The following VPS54 variants were observed in gnomAD, a reference collection of about 807,000 sequenced individuals.
VPS54 encodes vacuolar protein sorting-associated protein 54.
A neutral mutation model predicts 121.5 loss-of-function variants in VPS54; 45 were observed. That is an observed-to-expected ratio of 0.37 (90% confidence interval 0.29 to 0.47). The LOEUF is 0.47. VPS54 is among the 20% of genes least tolerant of loss of function. The probability of loss-of-function intolerance (pLI) is 0.99; values close to 1 mark genes in which losing one functional copy is unlikely to be tolerated. For missense variants in VPS54, 1,090 were observed against 1,131.4 expected (o/e 0.96, Z 0.52); for synonymous variants, 371 against 385.8 (o/e 0.96, Z 0.45).
chr2:63,962,234 A>G lies in VPS54; in HGVS notation c.834T>C (p.Leu278=). 6.2e-7 allele frequency: 1 copy of G among 1,614,060 alleles called. No individual in the cohort carries two copies. Among genetic ancestry groups the G allele is most frequent in the Non-Finnish European group, 8.5e-7 (1 of 1,179,922 alleles). ...ATACTTTAACACAATTATTTCTGGT[A>G]AGTGCCAGTCTTAAAATGTGGAGTG... ...EGSLHILRLA[L]TRNNCVKVYN... is the part of the protein sequence containing the mutation. Residue 278 remains leucine (L), a synonymous_variant, in exon 7 of 23, where the codon CTT becomes CTC. Coordinates refer to ENST00000272322, the MANE Select transcript of VPS54 (RefSeq NM_016516.3).
intron 1 of VPS54, among the ~76,000 whole-genome samples, chr2:63,990,970 A>T (rs527304193): frequency 6.6e-6 from 1 of 152,034 alleles, no homozygotes; most frequent in East Asian, 1.9e-4. Flanking sequence ...AGCTTTTCTA[A>T]CCCCATTAAA....
At chr2:63,903,969 A>T (rs1008913987) in intron 20 of VPS54, among the ~76,000 whole-genome samples, 1 of 152,192 alleles carries the variant, frequency 6.6e-6, no homozygotes, top group Non-Finnish European at 1.5e-5. Context: ...AAGGGAAAAA[A>T]GCAAGATCCA....
At chr2:63,958,711 A>G (rs542551128) in intron 7 of VPS54, among the ~76,000 whole-genome samples, 1 of 152,226 alleles carries the variant, frequency 6.6e-6, no homozygotes, top group African/African-American at 2.4e-5. Context: ...GCAAGACTGC[A>G]TATATATATT....
At chr2:63,965,582 A>C (rs1242322494) in intron 6 of VPS54, among the ~76,000 whole-genome samples, 1 of 152,248 alleles carries the variant, frequency 6.6e-6, no homozygotes, top group Non-Finnish European at 1.5e-5. Context: ...TTTCAATTAA[A>C]ATTCCATCAA....
chr2:63,980,857 C>A (rs945068551), intron 3 of VPS54, among the ~76,000 whole-genome samples: 1 of 151,786 alleles, frequency 6.6e-6, no homozygotes. Context: ...ATGATCAGAT[C>A]TAAGTGATTG....
At chr2:63,909,066 T>G (rs1226078934) in intron 20 of VPS54, among the ~76,000 whole-genome samples, 1 of 152,214 alleles carries the variant, frequency 6.6e-6, no homozygotes, top group African/African-American at 2.4e-5. Flanking sequence ...GCATGCCTCA[T>G]TCATAAAACT....
chr2:63,913,581 A>G lies in VPS54; in HGVS notation c.2335-271T>C, dbSNP rs188235857. Among the ~76,000 whole-genome samples the G allele has an allele frequency of 1.4e-3, 206 of 152,340 alleles. No individual in the cohort carries two copies. In the Middle Eastern group the frequency reaches 0.014, roughly 10 times the overall value. Reference sequence around the variant, plus strand: ...TCTTTAATTTGCATGTACAAAACAAATTCGGTTTCAGTCATTCTTGTTGGG... The same window carrying G: ...TCTTTAATTTGCATGTACAAAACAAGTTCGGTTTCAGTCATTCTTGTTGGG... On this transcript the variant is annotated intron_variant, in intron 17 of 22. Transcript: ENST00000272322.
At chr2:63,961,864 G>A (rs530188884) in intron 7 of VPS54, among the ~76,000 whole-genome samples, 194 bp downstream of exon 7, 1 of 152,154 alleles carries the variant, frequency 6.6e-6, no homozygotes, top group South Asian at 2.1e-4. Context: ...AAATGTCTCT[G>A]AAAATATTAT....
intron 15 of VPS54, among the ~76,000 whole-genome samples, chr2:63,918,094 C>A (rs1016960898): frequency 6.6e-6 from 1 of 151,876 alleles, no homozygotes; most frequent in Admixed American, 6.6e-5. Context: ...ATCCAGGATC[C>A]TTAACTTGAA....
At chr2:63,986,846 C>T in intron 1 of VPS54, among the ~76,000 whole-genome samples, 1 of 152,130 alleles carries the variant, frequency 6.6e-6, no homozygotes, top group East Asian at 1.9e-4. Flanking sequence ...ATAAATACAC[C>T]CATGTGCCAT....
chr2:63,991,455 T>C (rs1267072259), intron 1 of VPS54, among the ~76,000 whole-genome samples: 4 of 152,198 alleles, frequency 2.6e-5, no homozygotes, highest in Admixed American at 2.0e-4. Flanking sequence ...CACAAAGCTA[T>C]TCTGTGGGCA....
At chr2:64,009,409 G>A (rs1159188341) in intron 1 of VPS54, among the ~76,000 whole-genome samples, 1 of 151,840 alleles carries the variant, frequency 6.6e-6, no homozygotes, top group South Asian at 2.1e-4. Context: ...TCCGCCTCCC[G>A]GGTTCAAGCG....
At chr2:63,992,354 T>C (rs183996702) in intron 1 of VPS54, among the ~76,000 whole-genome samples, 317 of 152,304 alleles carry the variant, frequency 2.1e-3, no homozygotes, top group Non-Finnish European at 2.6e-3. Flanking sequence ...CTAACTCTTA[T>C]AGTACTCCCA....
At chr2:63,985,999 A>T (rs1237246776) in intron 1 of VPS54, among the ~76,000 whole-genome samples, 1 of 152,236 alleles carries the variant, frequency 6.6e-6, no homozygotes, top group East Asian at 1.9e-4. Flanking sequence ...TAAGTGATAA[A>T]GACAATTCTA....
intron 5 of VPS54, among the ~76,000 whole-genome samples, chr2:63,966,269 T>C (rs1331927607): frequency 1.3e-5 from 2 of 152,236 alleles, no homozygotes; most frequent in Non-Finnish European, 2.9e-5. Flanking sequence ...CAGAGGCAGA[T>C]ATAATACTCA....
chr2:63,979,247 T>A (rs1433652995), intron 3 of VPS54, among the ~76,000 whole-genome samples: 1 of 150,624 alleles, frequency 6.6e-6, no homozygotes, highest in African/African-American at 2.4e-5. Flanking sequence ...GTTTGTTTTT[T>A]TTTTTTTTTG....
chr2:63,934,084 C>G (rs1382137012), intron 11 of VPS54, 71 bp from the exon 12 acceptor site: 2 of 1,349,712 alleles, frequency 1.5e-6, no homozygotes, highest in Non-Finnish European at 2.0e-6. Context: ...AAAGAGAATT[C>G]TGTGCATGTA....
At chr2:63,991,111 T>A (rs979526123) in intron 1 of VPS54, among the ~76,000 whole-genome samples, 5 of 152,180 alleles carry the variant, frequency 3.3e-5, no homozygotes, top group Non-Finnish European at 5.9e-5. Flanking sequence ...TTATGCCCAA[T>A]TAAACTTTGA....
At chr2:64,016,769 C>T (rs954301752) in intron 1 of VPS54, among the ~76,000 whole-genome samples, 1 of 151,580 alleles carries the variant, frequency 6.6e-6, no homozygotes, top group Non-Finnish European at 1.5e-5. Context: ...CCCCCATGCC[C>T]GGCTAATTTA....
Sources: allele counts gnomAD v4.1 joint callset (sites outside exome capture counted in the v4.1 genomes callset), GRCh38; gene constraint gnomAD v4.1.1; transcripts MANE v1.5; gene names NCBI Gene and HGNC (gene_info 2026-07-23, HGNC 2026-07-21).